CBFB: variants seen among roughly 807,000 people sequenced by gnomAD.
CBFB encodes CBF-beta.
CBFB carries 9 observed loss-of-function variants against 30.4 expected under a neutral mutation model. That is an observed-to-expected ratio of 0.30 (90% CI 0.18 to 0.52). The LOEUF is 0.52. CBFB is among the 20% of genes least tolerant of loss of function. The pLI, the probability that CBFB is intolerant of heterozygous loss-of-function variation, is 0.97. For synonymous variants in CBFB, 94 were observed against 84.0 expected, an observed-to-expected ratio of 1.12 and a Z score of -0.65; for missense variants, 170 against 244.0, an observed-to-expected ratio of 0.70 and a Z score of 2.02.
rs535804759 is a variant in CBFB at position 67,032,527 on chromosome 16, C to T, written c.165+2714C>T. The stretch of plus-strand genomic sequence containing the variant: ...AGTTTTCTCTCTTTCTAGTTTCCCT[C>T]CTTTAATTCAGTGTTAACCCACATT... On this transcript the variant is annotated intron_variant, in intron 2 of 5. Coordinates refer to ENST00000412916, the MANE Select transcript of CBFB (RefSeq NM_022845.3). Among the ~76,000 whole-genome samples the T allele has an allele frequency of 2.0e-5, 3 of 152,274 alleles. No individual in the cohort carries two copies. In the East Asian group the frequency reaches 5.8e-4, roughly 29 times the overall value.
At chr16:67,045,227 A>C (rs1319552918) in intron 3 of CBFB, among the ~76,000 whole-genome samples, 1 of 152,136 alleles carries the variant, frequency 6.6e-6, no homozygotes, top group African/African-American at 2.4e-5. Context: ...AAAAATTAAA[A>C]TGTTTTGGCT....
At chr16:67,043,088 C>G (rs1966559349) in intron 3 of CBFB, among the ~76,000 whole-genome samples, 1 of 152,132 alleles carries the variant, frequency 6.6e-6, no homozygotes, top group Non-Finnish European at 1.5e-5. Context: ...CTTTTATGAT[C>G]TATTATTTGA....
chr16:67,029,521 C>G lies in CBFB; in HGVS notation c.78+36C>G, dbSNP rs368782490. 11 of 1,559,006 alleles carry G rather than the reference C, an allele frequency of 7.1e-6. No homozygotes were observed. The South Asian group carries it at 1.1e-4, about 15-fold the overall frequency. On this transcript the variant is annotated intron_variant, in intron 1 of 5. Transcript: ENST00000412916. ...CGGGCGGGCGGCTAGGAGGCCGCAG[C>G]GCGCCCCGAGTGGGCCCGGGCGGAG...
chr16:67,069,845 T>A (rs559706659), intron 4 of CBFB, among the ~76,000 whole-genome samples: 1 of 152,208 alleles, frequency 6.6e-6, no homozygotes, highest in Non-Finnish European at 1.5e-5. Context: ...AAAAGCAGAT[T>A]GGGTGCAGTG....
chr16:67,091,918 G>A (rs1006122932), intron 5 of CBFB, among the ~76,000 whole-genome samples: 1 of 152,212 alleles, frequency 6.6e-6, no homozygotes, highest in East Asian at 1.9e-4. Flanking sequence ...TTGTTGCCCA[G>A]GCTGGAGTGC....
chr16:67,031,354 G>A (rs1340865935), intron 2 of CBFB, among the ~76,000 whole-genome samples: 1 of 152,144 alleles, frequency 6.6e-6, no homozygotes, highest in Non-Finnish European at 1.5e-5. Flanking sequence ...GCACTGAGTG[G>A]TATAATAAAA....
intron 3 of CBFB, among the ~76,000 whole-genome samples, chr16:67,050,048 C>T (rs1440194174): frequency 6.6e-6 from 1 of 151,652 alleles, no homozygotes; most frequent in Non-Finnish European, 1.5e-5. Context: ...TACACTACTG[C>T]TAATAAGTAA....
At chr16:67,074,021 C>T (rs1961314991) in intron 4 of CBFB, among the ~76,000 whole-genome samples, 1 of 152,048 alleles carries the variant, frequency 6.6e-6, no homozygotes, top group Non-Finnish European at 1.5e-5. Flanking sequence ...CAGAGCAAGA[C>T]TCCATCTCAA....
intron 4 of CBFB, 46 bp downstream of exon 4, chr16:67,066,844 A>G: frequency 9.0e-7 from 1 of 1,116,878 alleles, no homozygotes; most frequent in East Asian, 2.4e-5. Flanking sequence ...TTTAGTCCCT[A>G]ATCTTGCCTT....
chr16:67,072,861 C>T (rs1961267558), intron 4 of CBFB, among the ~76,000 whole-genome samples: 1 of 151,812 alleles, frequency 6.6e-6, no homozygotes, highest in Admixed American at 6.6e-5. Flanking sequence ...GCCTCAAGCT[C>T]CTGCCGTGCT....
chr16:67,037,534 GAA>G (rs752830299), intron 3 of CBFB, among the ~76,000 whole-genome samples: 2 of 151,728 alleles, frequency 1.3e-5, no homozygotes, highest in African/African-American at 2.4e-5. Context: ...TTTGTTTTGA[GAA>G]AAAGTTTCTG....
intron 3 of CBFB, among the ~76,000 whole-genome samples, chr16:67,059,373 T>C (rs1960824372): frequency 6.6e-6 from 1 of 152,214 alleles, no homozygotes; most frequent in Non-Finnish European, 1.5e-5. Context: ...GAAGGATCTT[T>C]GTGTCTGTGA....
At chr16:67,097,898 C>T (rs866160832) in intron 5 of CBFB, among the ~76,000 whole-genome samples, 8 of 152,038 alleles carry the variant, frequency 5.3e-5, no homozygotes, top group Non-Finnish European at 7.4e-5. Flanking sequence ...TGTGAATAGC[C>T]GCTGCAGTCC....
chr16:67,066,683 T>TACC lies in CBFB; in HGVS notation c.285_286insCCA (p.Val95_Tyr96insPro). On this transcript the variant is annotated inframe_insertion and splice_region_variant, in exon 4 of 6. Coordinates refer to ENST00000412916, the MANE Select transcript of CBFB (RefSeq NM_022845.3). ...TTTTCATCCTTTTCTGTGTCTTAGGTATATTTGAAGGCTCCCATGATTCTG... is the reference window on the plus strand; with the variant it reads ...TTTTCATCCTTTTCTGTGTCTTAGGTACCATATTTGAAGGCTCCCATGATTCTG... 1 of 1,527,828 alleles carries TACC rather than the reference T, an allele frequency of 6.5e-7. No homozygotes were observed. Among genetic ancestry groups the TACC allele is most frequent in the Non-Finnish European group, 9.1e-7 (1 of 1,104,086 alleles). The allele number at this position is 1,527,828 out of a possible 1,614,324, so 94.6% of individuals were successfully genotyped here. A position where few individuals can be genotyped will look rare whatever the true frequency, so the allele number is the denominator to read the frequency against.
At chr16:67,095,823 T>C (rs1962031578) in intron 5 of CBFB, among the ~76,000 whole-genome samples, 1 of 151,552 alleles carries the variant, frequency 6.6e-6, no homozygotes, top group Admixed American at 6.6e-5. Context: ...CTCCCGAGTA[T>C]CTGGGAATAC....
intron 2 of CBFB, among the ~76,000 whole-genome samples, chr16:67,036,129 A>G (rs1342724765): frequency 6.6e-6 from 1 of 152,194 alleles, no homozygotes; most frequent in African/African-American, 2.4e-5. Context: ...TCCCATGCCA[A>G]TGTATGGTTT....
intron 3 of CBFB, among the ~76,000 whole-genome samples, chr16:67,049,111 G>A (rs932247170): frequency 6.6e-6 from 1 of 151,866 alleles, no homozygotes; most frequent in Non-Finnish European, 1.5e-5. Context: ...GTGAGCCACC[G>A]CGCCTGGCCA....
intron 3 of CBFB, among the ~76,000 whole-genome samples, chr16:67,038,468 A>G (rs1387787169): frequency 1.3e-5 from 2 of 152,042 alleles, no homozygotes; most frequent in East Asian, 3.9e-4. Context: ...TGACAAAACA[A>G]TCTTTGGATT....
intron 3 of CBFB, 116 bp downstream of exon 3, chr16:67,036,871 T>A (rs921845455): frequency 3.1e-5 from 21 of 680,096 alleles, no homozygotes; most frequent in Non-Finnish European, 5.3e-5. Flanking sequence ...ATGCTCAGAT[T>A]TGTTTTCATT....
Sources: gnomAD v4.1 joint callset for allele counts (sites outside exome capture counted in the v4.1 genomes callset) on GRCh38, gnomAD v4.1.1 for gene constraint, MANE v1.5 for transcripts, NCBI Gene and HGNC (gene_info 2026-07-23, HGNC 2026-07-21) for gene names.